ST6GALNAC3: variants seen among roughly 807,000 people sequenced by gnomAD.
ST6GALNAC3 encodes ST6 N-acetylgalactosaminide alpha-2,6-sialyltransferase 3, also known as alpha-N-acetylgalactosaminide alpha-2,6-sialyltransferase 3.
Under a neutral mutation model 32.7 loss-of-function variants are expected in ST6GALNAC3, and 25 were observed. The ratio of observed to expected loss-of-function variants is 0.76; its 90% CI spans 0.56 to 1.07. ST6GALNAC3 has a LOEUF of 1.07. ST6GALNAC3 is among the 50% of genes least tolerant of loss of function. The pLI is 0.00. For missense variants in ST6GALNAC3, 355 were observed against 382.4 expected, an observed-to-expected ratio of 0.93 and a Z score of 0.60; for synonymous variants, 129 against 133.1, an observed-to-expected ratio of 0.97 and a Z score of 0.21.
intron 2 of ST6GALNAC3, 132 bp from the exon 3 acceptor site, chr1:76,411,876 G>C: frequency 1.1e-6 from 1 of 945,768 alleles, no homozygotes; most frequent in Non-Finnish European, 1.5e-6. Flanking sequence ...TGTAGGTTTG[G>C]TATTTGTAGG....
rs1557529098 is a variant in ST6GALNAC3 at position 76,525,814 on chromosome 1, T to TATATATACATATATATACATATATAC, written c.624-101631_624-101630insCATATATATACATATATACATATATA. 5.4e-3 allele frequency among the ~76,000 whole-genome samples: 691 copies of TATATATACATATATATACATATATAC among 127,220 alleles called. 10 individuals carry two copies. The highest frequency in any genetic ancestry group is 0.017 in the African/African-American group (658 of 38,092). 83.5% of individuals were successfully genotyped at this position (127,220 alleles called of 152,430 possible). ...GTGTATATATATATATATATATATA[T>TATATATACATATATATACATATATAC]ATATATATATATATGACCGTTTTGC... On this transcript the variant is annotated intron_variant, in intron 3 of 4. Transcript: ENST00000328299.
At chr1:76,126,266 A>T (rs2100850753) in intron 1 of ST6GALNAC3, among the ~76,000 whole-genome samples, 1 of 152,034 alleles carries the variant, frequency 6.6e-6, no homozygotes, top group South Asian at 2.1e-4. Flanking sequence ...TGCCCTCTAT[A>T]TTTATTTCCC....
At chr1:76,410,647 G>T (rs1301048437) in intron 2 of ST6GALNAC3, among the ~76,000 whole-genome samples, 2 of 152,088 alleles carry the variant, frequency 1.3e-5, no homozygotes, top group Admixed American at 1.3e-4. Context: ...CTGGAACTGT[G>T]CCTGACACAT....
chr1:76,545,369 T>C (rs909917985), intron 3 of ST6GALNAC3, among the ~76,000 whole-genome samples: 1 of 152,142 alleles, frequency 6.6e-6, no homozygotes, highest in African/African-American at 2.4e-5. Flanking sequence ...TGCATAAATA[T>C]CGCCTCTTCC....
chr1:76,286,437 T>C (rs924324454), intron 1 of ST6GALNAC3, among the ~76,000 whole-genome samples: 3 of 152,216 alleles, frequency 2.0e-5, no homozygotes, highest in Non-Finnish European at 2.9e-5. Context: ...TCCATAGAGA[T>C]GTTTTAACAC....
chr1:76,138,977 G>A (rs1373074069), intron 1 of ST6GALNAC3, among the ~76,000 whole-genome samples: 1 of 152,120 alleles, frequency 6.6e-6, no homozygotes, highest in East Asian at 1.9e-4. Flanking sequence ...GGCGGATTAC[G>A]AGGTCAGGAG....
Position 76,629,433 on chromosome 1 carries a change from G to C in ST6GALNAC3, c.*627G>C, listed in dbSNP as rs568910502. On this transcript the variant is annotated 3_prime_UTR_variant, in exon 5 of 5. Transcript: ENST00000328299. ...GACATCCTACACTTCAGGATTACTT[G>C]ACTATCTCAAACACATAAATCAAAA... 2.0e-6 allele frequency: 2 copies of C among 985,430 alleles called. No individual in the cohort carries two copies. The highest frequency in any genetic ancestry group is 2.4e-6 in the Non-Finnish European group (2 of 829,806). 61.0% of individuals were successfully genotyped at this position (985,430 alleles called of 1,614,324 possible).
intron 4 of ST6GALNAC3, 65 bp downstream of exon 4, chr1:76,627,624 T>A (rs1466463203): frequency 3.6e-6 from 4 of 1,125,440 alleles, no homozygotes; most frequent in Non-Finnish European, 5.4e-6. Flanking sequence ...ATATCACAAT[T>A]CATTTTAATA....
At chr1:76,455,088 A>G (rs975029988) in intron 3 of ST6GALNAC3, among the ~76,000 whole-genome samples, 2 of 151,804 alleles carry the variant, frequency 1.3e-5, no homozygotes, top group Non-Finnish European at 2.9e-5. Context: ...TGACTTTTTA[A>G]TACTCATCTG....
intron 1 of ST6GALNAC3, among the ~76,000 whole-genome samples, chr1:76,264,077 T>G (rs1013340322): frequency 6.6e-6 from 1 of 152,178 alleles, no homozygotes; most frequent in Non-Finnish European, 1.5e-5. Context: ...CAGAAACAAT[T>G]GTCTACTCAT....
At chr1:76,484,636 G>T (rs1172908985) in intron 3 of ST6GALNAC3, among the ~76,000 whole-genome samples, 1 of 152,128 alleles carries the variant, frequency 6.6e-6, no homozygotes, top group Non-Finnish European at 1.5e-5. Flanking sequence ...AGACAATGGG[G>T]TTTTCTAAAT....
Position 76,508,219 on chromosome 1 carries a change from C to T in ST6GALNAC3, c.623+95802C>T, listed in dbSNP as rs12410374. 8.9e-3 allele frequency among the ~76,000 whole-genome samples: 1,346 copies of T among 151,642 alleles called. 45 individuals carry two copies. The highest frequency in any genetic ancestry group is 0.072 in the Admixed American group (1,105 of 15,246). ...CTCATAAGGAGTGCACAACCTAGAT[C>T]CGTCGCACGCAGAGTACACAACAGG... is the stretch of plus-strand genomic sequence containing the variant. On this transcript the variant is annotated intron_variant, in intron 3 of 4. Coordinates refer to ENST00000328299, the MANE Select transcript of ST6GALNAC3 (RefSeq NM_152996.4).
chr1:76,521,795 G>A (rs376430421), intron 3 of ST6GALNAC3, among the ~76,000 whole-genome samples: 16 of 152,170 alleles, frequency 1.1e-4, no homozygotes, highest in South Asian at 6.2e-4. Flanking sequence ...CAGGCCAGGC[G>A]TGGTGGCTCA....
chr1:76,629,079 A>T lies in ST6GALNAC3; in HGVS notation c.*273A>T, dbSNP rs1016329372. 3.4e-6 allele frequency: 4 copies of T among 1,184,572 alleles called. No homozygotes were observed. Among genetic ancestry groups the T allele is most frequent in the Admixed American group, 4.8e-5 (1 of 20,700 alleles). 73.4% of individuals were successfully genotyped at this position (1,184,572 alleles called of 1,614,324 possible). ...TGGAATTGAGATGAAGGCCAGTGAC[A>T]TGACAACTGTGACCTAAGAAATGGG... is the stretch of plus-strand genomic sequence containing the variant. On this transcript the variant is annotated 3_prime_UTR_variant, in exon 5 of 5. Transcript: ENST00000328299.
intron 1 of ST6GALNAC3, chr1:76,142,837 T>C (rs1438200009): frequency 4.4e-6 from 2 of 453,140 alleles, no homozygotes; most frequent in African/African-American, 4.0e-5. Flanking sequence ...TTTTTTTTCT[T>C]TTAAATTTTT....
chr1:76,371,174 A>G lies in ST6GALNAC3; in HGVS notation c.214-40834A>G, dbSNP rs550026753. Among the ~76,000 whole-genome samples, 3 of 152,308 alleles carry G rather than the reference A, an allele frequency of 2.0e-5. No individual in the cohort carries two copies. The East Asian group carries it at 5.8e-4, about 29-fold the overall frequency. Reference sequence around the variant, plus strand: ...TATTTATTTAGCATTTACTACTTTTAAAGCACTGGATTGAGTGCCAAAAAG... The same window carrying G: ...TATTTATTTAGCATTTACTACTTTTGAAGCACTGGATTGAGTGCCAAAAAG... On this transcript the variant is annotated intron_variant, in intron 2 of 4. Transcript: ENST00000328299.
At chr1:76,523,887 G>T (rs1346131597) in intron 3 of ST6GALNAC3, among the ~76,000 whole-genome samples, 1 of 151,904 alleles carries the variant, frequency 6.6e-6, no homozygotes, top group Non-Finnish European at 1.5e-5. Flanking sequence ...GTCCCCAACG[G>T]TGCCCCCTTG....
At chr1:76,443,612 G>T (rs1406689430) in intron 3 of ST6GALNAC3, among the ~76,000 whole-genome samples, 1 of 152,108 alleles carries the variant, frequency 6.6e-6, no homozygotes, top group Non-Finnish European at 1.5e-5. Flanking sequence ...TTTCTACCTT[G>T]CCCTCATCAA....
intron 1 of ST6GALNAC3, among the ~76,000 whole-genome samples, chr1:76,138,671 C>G (rs1026034015): frequency 6.6e-6 from 1 of 152,218 alleles, no homozygotes; most frequent in Non-Finnish European, 1.5e-5. Context: ...GTCTACTTGA[C>G]ATATCATATC....
Sources: gnomAD v4.1 joint callset for allele counts (sites outside exome capture counted in the v4.1 genomes callset) on GRCh38, gnomAD v4.1.1 for gene constraint, MANE v1.5 for transcripts, NCBI Gene and HGNC (gene_info 2026-07-23, HGNC 2026-07-21) for gene names.